RTN4IP1: variants seen among roughly 807,000 people sequenced by gnomAD.
The protein encoded by RTN4IP1 is NAD(P)H oxidoreductase RTN4IP1, mitochondrial.
RTN4IP1 carries 32 observed loss-of-function variants against 46.6 expected under a neutral mutation model. The observed-to-expected ratio is 0.69, with a 90% confidence interval of 0.52 to 0.92. RTN4IP1 has a LOEUF of 0.92. Among genes scored for constraint, RTN4IP1 ranks in the 40% least tolerant of loss-of-function variants. The pLI is 0.00. For synonymous variants in RTN4IP1, 167 were observed against 161.8 expected, an observed-to-expected ratio of 1.03 and a Z score of -0.24; for missense variants, 424 against 485.8, an observed-to-expected ratio of 0.87 and a Z score of 1.20.
At position 106,579,448 on chromosome 6, in the gene RTN4IP1, G is replaced by T. The variant is rs1288676737; in HGVS notation, c.1083+3880C>A. Among the ~76,000 whole-genome samples, 8 of 152,286 alleles carry T rather than the reference G, an allele frequency of 5.3e-5. No homozygotes were observed. In the East Asian group the frequency reaches 1.5e-3, roughly 29 times the overall value. On this transcript the variant is annotated intron_variant, in intron 8 of 8. Coordinates refer to ENST00000369063, the MANE Select transcript of RTN4IP1 (RefSeq NM_032730.5). ...AATAAGGCTTCGTGATGACAGTCATGTGAAAACAATGCCTAAGACTGGATC... is the reference window on the plus strand; with the variant it reads ...AATAAGGCTTCGTGATGACAGTCATTTGAAAACAATGCCTAAGACTGGATC...
intron 7 of RTN4IP1, among the ~76,000 whole-genome samples, chr6:106,586,921 A>G (rs909346990): frequency 8.5e-5 from 13 of 152,176 alleles, no homozygotes; most frequent in African/African-American, 3.1e-4. Context: ...GGTGAGATGT[A>G]TTCAGTTTTG....
chr6:106,630,385 T>A (rs557334930), upstream of RTN4IP1, among the ~76,000 whole-genome samples: 24 of 151,928 alleles, frequency 1.6e-4, no homozygotes, highest in Admixed American at 1.4e-3. Context: ...AGACTCTTTT[T>A]AATGGCACAA....
intron 5 of RTN4IP1, among the ~76,000 whole-genome samples, chr6:106,597,691 C>G (rs1285813516): frequency 7.3e-6 from 1 of 136,130 alleles, no homozygotes; most frequent in Non-Finnish European, 1.6e-5. Context: ...CATTTTGTTT[C>G]TTTTTTTTTT....
intron 8 of RTN4IP1, among the ~76,000 whole-genome samples, chr6:106,581,622 CA>C (rs1402450112): frequency 1.3e-5 from 2 of 152,236 alleles, no homozygotes; most frequent in Non-Finnish European, 2.9e-5. Context: ...AATCAAAGCA[CA>C]AGGCACATTT....
At chr6:106,628,049 A>T (rs931549034) in intron 1 of RTN4IP1, among the ~76,000 whole-genome samples, 2 of 149,394 alleles carry the variant, frequency 1.3e-5, no homozygotes, top group African/African-American at 4.9e-5. Flanking sequence ...GCCTGCCGAT[A>T]GAGTGAGACT....
At position 106,571,672 on chromosome 6, in the gene RTN4IP1, C is replaced by T. The variant is rs1359158472; in HGVS notation, c.*324G>A. 8.1e-6 allele frequency: 2 copies of T among 246,494 alleles called. No homozygotes were observed. Among genetic ancestry groups the T allele is most frequent in the Admixed American group, 1.1e-4 (2 of 19,002 alleles). The allele number at this position is 246,494 out of a possible 1,614,324, so 15.3% of individuals were successfully genotyped here. Reference sequence around the variant, plus strand: ...TGCCACTGCACTCCAGCCTGGGTGACACAGCGAGACCCTGTCTCTAAAACA... The same window carrying T: ...TGCCACTGCACTCCAGCCTGGGTGATACAGCGAGACCCTGTCTCTAAAACA... On this transcript the variant is annotated 3_prime_UTR_variant, in exon 9 of 9. Coordinates refer to ENST00000369063, the MANE Select transcript of RTN4IP1 (RefSeq NM_032730.5).
At chr6:106,621,018 C>G (rs1208168291) in intron 3 of RTN4IP1, among the ~76,000 whole-genome samples, 1 of 152,170 alleles carries the variant, frequency 6.6e-6, no homozygotes, top group African/African-American at 2.4e-5. Context: ...CCCTTTCTCT[C>G]TATTCAATTT....
chr6:106,625,673 T>TTTTTTTTTTTG, intron 1 of RTN4IP1, among the ~76,000 whole-genome samples: 1 of 146,098 alleles, frequency 6.8e-6, no homozygotes, highest in African/African-American at 2.5e-5. Flanking sequence ...TTTTTTTTTT[T>TTTTTTTTTTTG]TTTTTTTTGA....
chr6:106,581,093 G>T (rs1775360949), intron 8 of RTN4IP1, among the ~76,000 whole-genome samples: 1 of 151,954 alleles, frequency 6.6e-6, no homozygotes, highest in Non-Finnish European at 1.5e-5. Flanking sequence ...AGTATCTTTG[G>T]AATACCCAAG....
intron 8 of RTN4IP1, among the ~76,000 whole-genome samples, chr6:106,577,094 G>A (rs542490048): frequency 6.6e-6 from 1 of 152,216 alleles, no homozygotes; most frequent in South Asian, 2.1e-4. Context: ...AACATCAGAA[G>A]GCTTACTAAT....
At chr6:106,592,088 C>T (rs1775675303) in intron 6 of RTN4IP1, 76 bp downstream of exon 6, 1 of 1,441,804 alleles carries the variant, frequency 6.9e-7, no homozygotes, top group East Asian at 2.3e-5. Context: ...ATTGTAAAGC[C>T]ACCAAGCCAT....
intron 6 of RTN4IP1, among the ~76,000 whole-genome samples, chr6:106,589,655 G>C (rs1775597647): frequency 6.6e-6 from 1 of 152,066 alleles, no homozygotes; most frequent in African/African-American, 2.4e-5. Context: ...AGCATCATAG[G>C]GTTGGACTGA....
At chr6:106,615,625 A>G (rs1397262307) in intron 4 of RTN4IP1, among the ~76,000 whole-genome samples, 4 of 151,492 alleles carry the variant, frequency 2.6e-5, no homozygotes, top group Non-Finnish European at 5.9e-5. Flanking sequence ...CAGGCACGCA[A>G]CACTACACCT....
Position 106,600,609 on chromosome 6 carries a change from T to G in RTN4IP1, c.669+2265A>C, listed in dbSNP as rs570037599. Among the ~76,000 whole-genome samples the G allele has an allele frequency of 8.2e-4, 125 of 152,030 alleles. 1 individual carries two copies. The highest frequency in any genetic ancestry group is 2.9e-3 in the African/African-American group (122 of 41,452). ...TCTACCCCCAGCCCCTGACAACCAC[T>G]AATCTGCTTTCTGTCTCTGTGGATT... On this transcript the variant is annotated intron_variant, in intron 5 of 8. Coordinates refer to ENST00000369063, the MANE Select transcript of RTN4IP1 (RefSeq NM_032730.5).
In RTN4IP1 at chr6:106,621,437, GACT is replaced by G; in HGVS notation, c.480_482del (p.Val161del). The G allele has an allele frequency of 6.2e-7, 1 of 1,613,310 alleles. No individual in the cohort carries two copies. Among genetic ancestry groups the G allele is most frequent in the Non-Finnish European group, 8.5e-7 (1 of 1,179,386 alleles). On this transcript the variant is annotated inframe_deletion, in exon 3 of 9. Coordinates refer to ENST00000369063, the MANE Select transcript of RTN4IP1 (RefSeq NM_032730.5). ...GTTGGTAAGTTACCTCATTCCCACT[GACT>G]ACAACAAACTCTGAAAGAGTGCCTT...
chr6:106,586,035 G>A (rs1775474819), intron 7 of RTN4IP1, among the ~76,000 whole-genome samples: 2 of 152,104 alleles, frequency 1.3e-5, no homozygotes, highest in South Asian at 2.1e-4. Flanking sequence ...TGAAAATAAA[G>A]AACACCACAG....
intron 3 of RTN4IP1, among the ~76,000 whole-genome samples, chr6:106,620,589 G>A (rs1197385997): frequency 6.6e-6 from 1 of 152,012 alleles, no homozygotes; most frequent in Non-Finnish European, 1.5e-5. Context: ...TCCAGTTCAT[G>A]TTTGTTGCAT....
At chr6:106,619,550 A>G (rs1237385375) in intron 3 of RTN4IP1, among the ~76,000 whole-genome samples, 1 of 150,990 alleles carries the variant, frequency 6.6e-6, no homozygotes, top group Non-Finnish European at 1.5e-5. Flanking sequence ...TGAACACAAC[A>G]AGGATGAAAA....
At chr6:106,624,436 A>G (rs1278936762) in intron 1 of RTN4IP1, among the ~76,000 whole-genome samples, 4 of 151,510 alleles carry the variant, frequency 2.6e-5, no homozygotes, top group African/African-American at 9.7e-5. Flanking sequence ...TACAACCTCC[A>G]CTTCCTGGGT....
Sources: gnomAD v4.1 joint callset for allele counts (sites outside exome capture counted in the v4.1 genomes callset) on GRCh38, gnomAD v4.1.1 for gene constraint, MANE v1.5 for transcripts, NCBI Gene and HGNC (gene_info 2026-07-23, HGNC 2026-07-21) for gene names.